The following CUX2 variants were observed in gnomAD, a reference collection of about 807,000 sequenced individuals.
The protein encoded by CUX2 is cut like homeobox 2, also known as homeobox protein cut-like 2.
A neutral mutation model predicts 144.8 loss-of-function variants in CUX2; 40 were observed. The observed-to-expected ratio is 0.28, with a 90% CI of 0.21 to 0.36. CUX2 has a LOEUF of 0.36. CUX2 is among the 10% of genes least tolerant of loss of function. The pLI is 1.00. For synonymous variants in CUX2, 827 were observed against 875.6 expected, an observed-to-expected ratio of 0.94 and a Z score of 0.98; for missense variants, 1,615 against 1,994.0, an observed-to-expected ratio of 0.81 and a Z score of 3.62.
At chr12:111,248,411 G>A (rs1883386724) in intron 3 of CUX2, among the ~76,000 whole-genome samples, 1 of 152,234 alleles carries the variant, frequency 6.6e-6, no homozygotes, top group African/African-American at 2.4e-5. Flanking sequence ...AACTGAGTCA[G>A]AAGGGCCTCT....
chr12:111,072,250 G>A (rs1391897769), intron 1 of CUX2, among the ~76,000 whole-genome samples: 1 of 152,182 alleles, frequency 6.6e-6, no homozygotes, highest in African/African-American at 2.4e-5. Context: ...CCATGAACAT[G>A]GACTATCTCC....
intron 1 of CUX2, among the ~76,000 whole-genome samples, chr12:111,063,717 G>A (rs533810508): frequency 3.9e-5 from 6 of 152,312 alleles, no homozygotes; most frequent in African/African-American, 1.2e-4. Flanking sequence ...TTTGGCGGCC[G>A]CCCCTGCATA....
intron 4 of CUX2, among the ~76,000 whole-genome samples, chr12:111,284,610 G>C (rs1885281239): frequency 6.6e-6 from 1 of 152,194 alleles, no homozygotes. Flanking sequence ...TTTTACAGAA[G>C]GGAAAACTGA....
At chr12:111,332,128 CTT>C (rs765789593) in intron 18 of CUX2, among the ~76,000 whole-genome samples, 10 of 119,584 alleles carry the variant, frequency 8.4e-5, no homozygotes, top group Admixed American at 2.6e-4. Context: ...ATCTGTCTAC[CTT>C]TTTTTTTTTT....
chr12:111,309,917 GTC>G, intron 14 of CUX2, 122 bp from the exon 15 acceptor site: 4 of 852,194 alleles, frequency 4.7e-6, no homozygotes, highest in East Asian at 3.3e-5. Flanking sequence ...TTCTCTCTCT[GTC>G]TCTCTTTCTC....
At chr12:111,345,766 G>GA (rs1035606332) in intron 21 of CUX2, among the ~76,000 whole-genome samples, 5 of 142,854 alleles carry the variant, frequency 3.5e-5, no homozygotes, top group Non-Finnish European at 7.7e-5. Flanking sequence ...TCACGAAAAA[G>GA]AAAAAAAAAG....
At chr12:111,167,886 G>T (rs1200595910) in intron 1 of CUX2, among the ~76,000 whole-genome samples, 1 of 152,066 alleles carries the variant, frequency 6.6e-6, no homozygotes, top group Admixed American at 6.5e-5. Context: ...TAGAGAAGGG[G>T]TGTCACCATG....
intron 1 of CUX2, among the ~76,000 whole-genome samples, chr12:111,138,555 C>T (rs901574052): frequency 2.6e-5 from 4 of 152,072 alleles, no homozygotes; most frequent in Non-Finnish European, 5.9e-5. Context: ...GTTCCCTCCT[C>T]CATGGACTGC....
chr12:111,195,640 C>T (rs1880191691), intron 1 of CUX2, among the ~76,000 whole-genome samples: 1 of 152,204 alleles, frequency 6.6e-6, no homozygotes, highest in Non-Finnish European at 1.5e-5. Flanking sequence ...TTCCCTGAGC[C>T]CTTGGGTCTG....
chr12:111,059,585 C>G lies in CUX2; in HGVS notation c.63+25345C>G, dbSNP rs1870676237. 6.6e-6 allele frequency among the ~76,000 whole-genome samples: 1 copy of G among 152,074 alleles called. No individual in the cohort carries two copies. Among genetic ancestry groups the G allele is most frequent in the Non-Finnish European group, 1.5e-5 (1 of 68,008 alleles). On this transcript the variant is annotated intron_variant, in intron 1 of 21. Transcript: ENST00000261726. The surrounding 1 kb of genome is among the most constrained non-coding windows in gnomAD (Gnocchi z 5.3). ...GGTCCCCCCACCCAGGGTCAGCTTT[C>G]TGTATCCTAGAGGTGGGGAGGTGGG...
intron 3 of CUX2, among the ~76,000 whole-genome samples, chr12:111,236,746 G>A (rs1345212): frequency 3.9e-5 from 6 of 152,220 alleles, no homozygotes; most frequent in African/African-American, 9.7e-5. Flanking sequence ...GGGAGACCTG[G>A]GTTCAAACTC....
chr12:111,205,027 C>T (rs745580259), intron 1 of CUX2, among the ~76,000 whole-genome samples: 3 of 152,196 alleles, frequency 2.0e-5, no homozygotes, highest in Non-Finnish European at 4.4e-5. Context: ...TGGCCCAATA[C>T]ATCTTGGCAT....
chr12:111,268,452 T>C (rs933341133), intron 4 of CUX2, among the ~76,000 whole-genome samples: 11 of 152,200 alleles, frequency 7.2e-5, no homozygotes, highest in Admixed American at 2.6e-4. Context: ...AGGTATCCTT[T>C]TGGGGCGGAC....
intron 1 of CUX2, among the ~76,000 whole-genome samples, chr12:111,076,305 A>G (rs965731641): frequency 2.6e-5 from 4 of 152,244 alleles, no homozygotes; most frequent in African/African-American, 9.6e-5. Context: ...TAATAGCAAT[A>G]TTAACAATGG....
chr12:111,069,004 G>A (rs1187039479), intron 1 of CUX2, among the ~76,000 whole-genome samples: 1 of 152,162 alleles, frequency 6.6e-6, no homozygotes, highest in Non-Finnish European at 1.5e-5. Context: ...TACTCGGGAG[G>A]CTGAGGCAGG....
chr12:111,084,769 C>T (rs933706609), intron 1 of CUX2, among the ~76,000 whole-genome samples: 3 of 152,172 alleles, frequency 2.0e-5, no homozygotes, highest in Non-Finnish European at 4.4e-5. Context: ...GCAGCGACGG[C>T]GCTGTATAAT....
chr12:111,148,268 A>G (rs983056461), intron 1 of CUX2, among the ~76,000 whole-genome samples: 3 of 151,968 alleles, frequency 2.0e-5, no homozygotes, highest in African/African-American at 7.3e-5. Context: ...AGTGAAAGAA[A>G]CCAGACCCAA....
At chr12:111,080,442 T>C (rs1871819841) in intron 1 of CUX2, among the ~76,000 whole-genome samples, 1 of 151,204 alleles carries the variant, frequency 6.6e-6, no homozygotes, top group African/African-American at 2.4e-5. Context: ...GAAGCCGAGA[T>C]GGGAGGATTG....
intron 1 of CUX2, among the ~76,000 whole-genome samples, chr12:111,202,308 G>A (rs772470797): frequency 2.6e-5 from 4 of 152,316 alleles, no homozygotes; most frequent in Non-Finnish European, 5.9e-5. Flanking sequence ...CCTGGTGCCC[G>A]TGTGGTTTTA....
Sources: allele counts gnomAD v4.1 joint callset (sites outside exome capture counted in the v4.1 genomes callset), GRCh38; gene constraint gnomAD v4.1.1; non-coding constraint Gnocchi (gnomAD v3.1); transcripts MANE v1.5; gene names NCBI Gene and HGNC (gene_info 2026-07-23, HGNC 2026-07-21).